Variants in NFKB1 observed in about 807,000 individuals in gnomAD.
The protein encoded by NFKB1 is nuclear factor kappa B subunit 1, also known as nuclear factor NF-kappa-B p105 subunit.
A neutral mutation model predicts 105.1 loss-of-function variants in NFKB1; 9 were observed. The ratio of observed to expected loss-of-function variants is 0.09; its 90% CI spans 0.05 to 0.15. The LOEUF (loss-of-function observed/expected upper bound fraction) is 0.15, where lower values mean the gene tolerates loss of function less well. Among genes scored for constraint, NFKB1 ranks in the 10% least tolerant of loss-of-function variants. NFKB1 has a pLI of 1.00. For synonymous variants in NFKB1, 440 were observed against 442.2 expected, an observed-to-expected ratio of 1.00 and a Z score of 0.06; for missense variants, 830 against 1,203.7, an observed-to-expected ratio of 0.69 and a Z score of 4.59.
rs1278590362 is a variant in NFKB1 at position 102,561,287 on chromosome 4, G to A, written c.259-5700G>A. 3.0e-5 allele frequency among the ~76,000 whole-genome samples: 4 copies of A among 132,914 alleles called. No individual in the cohort carries two copies. The East Asian group carries it at 8.7e-4, about 29-fold the overall frequency. 87.2% of individuals were successfully genotyped at this position (132,914 alleles called of 152,430 possible). A position where few individuals can be genotyped will look rare whatever the true frequency, so the allele number is the denominator to read the frequency against. ...TTCCTTTTTTTTTTTTTTTTTGTGT[G>A]TGTGTGTGTGCCTGATAATCTGACT... On this transcript the variant is annotated intron_variant, in intron 5 of 23. Coordinates refer to ENST00000226574, the MANE Select transcript of NFKB1 (RefSeq NM_003998.4).
At chr4:102,534,832 A>T (rs1741537838) in intron 4 of NFKB1, among the ~76,000 whole-genome samples, 1 of 152,200 alleles carries the variant, frequency 6.6e-6, no homozygotes. Context: ...CATTTAACAC[A>T]TGCTAACTAG....
At chr4:102,570,865 T>G (rs967586380) in intron 6 of NFKB1, among the ~76,000 whole-genome samples, 9 of 152,188 alleles carry the variant, frequency 5.9e-5, no homozygotes, top group South Asian at 2.1e-4. Flanking sequence ...CATTCCATGC[T>G]CATGGATAGG....
chr4:102,551,193 T>C lies in NFKB1; in HGVS notation c.258+13237T>C, dbSNP rs566852707. 3.3e-5 allele frequency among the ~76,000 whole-genome samples: 5 copies of C among 152,328 alleles called. No individual in the cohort carries two copies. In the East Asian group the frequency reaches 9.7e-4, roughly 29 times the overall value. On this transcript the variant is annotated intron_variant, in intron 5 of 23. Transcript: ENST00000226574. Reference sequence around the variant, plus strand: ...GCACACCACCTGCCAGGCACAGTGCTGGGCTCTGTGTTGACACACATGAAT... The same window carrying C: ...GCACACCACCTGCCAGGCACAGTGCCGGGCTCTGTGTTGACACACATGAAT...
rs1578771216 is a variant in NFKB1, at chr4:102,567,035, A to G, written c.307A>G (p.Asn103Asp). ...PAKVIVQLVT[N>D]GKNIHLHAHS... is the part of the protein sequence containing the mutation. The stretch of plus-strand genomic sequence containing the variant: ...AAAGGTTATTGTTCAGTTGGTCACA[A>G]ATGGAAAAAATATCCACCTGCATGC... The change falls in exon 6 of 24, where the codon AAT becomes GAT. Residue 103 changes from asparagine (N) to aspartate (D), a missense_variant. This residue lies in a region of NFKB1 where 64 missense variants were observed against 79.9 expected (regional missense o/e 0.80). Transcript: ENST00000226574. 6.2e-7 allele frequency: 1 copy of G among 1,614,054 alleles called. No individual in the cohort carries two copies. Among genetic ancestry groups the G allele is most frequent in the Non-Finnish European group, 8.5e-7 (1 of 1,179,926 alleles).
chr4:102,615,067 T>C (rs1170782113), intron 23 of NFKB1, among the ~76,000 whole-genome samples: 1 of 152,170 alleles, frequency 6.6e-6, no homozygotes, highest in Non-Finnish European at 1.5e-5. Context: ...GTTTCCTTCC[T>C]GTCCACCTCC....
chr4:102,538,724 TAGAC>T (rs750562370), intron 5 of NFKB1, among the ~76,000 whole-genome samples: 113 of 152,214 alleles, frequency 7.4e-4, no homozygotes, highest in Non-Finnish European at 1.3e-3. Flanking sequence ...ATGATAAACA[TAGAC>T]TGGTAATCAT....
intron 5 of NFKB1, among the ~76,000 whole-genome samples, chr4:102,550,524 T>C (rs998695738): frequency 2.0e-4 from 31 of 152,204 alleles, no homozygotes; most frequent in African/African-American, 7.5e-4. Context: ...ATTTGAGATA[T>C]GAAATGTGTA....
rs1466111203 is a variant in NFKB1, at chr4:102,510,892, G to A, written c.-8+9104G>A. On this transcript the variant is annotated intron_variant, in intron 1 of 23. Coordinates refer to ENST00000226574, the MANE Select transcript of NFKB1 (RefSeq NM_003998.4). ...TGTTCCTTCCTAGAAGGAACACAAC[G>A]TCCTACATCAAGAAAAAAGACAGAA... 13 of 1,276,844 alleles carry A rather than the reference G, an allele frequency of 1.0e-5. No individual in the cohort carries two copies. The African/African-American group carries it at 1.5e-4, about 15-fold the overall frequency. 79.1% of individuals were successfully genotyped at this position (1,276,844 alleles called of 1,614,324 possible). A position where few individuals can be genotyped will look rare whatever the true frequency, so the allele number is the denominator to read the frequency against.
rs577135636 is a variant in NFKB1 at position 102,528,976 on chromosome 4, G to A, written c.40-860G>A. On this transcript the variant is annotated intron_variant, in intron 2 of 23. Coordinates refer to ENST00000226574, the MANE Select transcript of NFKB1 (RefSeq NM_003998.4). ...CTTCTAGTGGCTGCCTGCTTTCCCT[G>A]TGCACCCTCTCATCACTCCAGCCTC... Among the ~76,000 whole-genome samples, 139 of 152,044 alleles carry A rather than the reference G, an allele frequency of 9.1e-4. 1 individual carries two copies. Among genetic ancestry groups the A allele is most frequent in the Non-Finnish European group, 1.7e-3 (117 of 67,982 alleles).
At chr4:102,530,001 C>T (rs1265973028) in intron 3 of NFKB1, 87 bp downstream of exon 3, 2 of 870,676 alleles carry the variant, frequency 2.3e-6, no homozygotes, top group African/African-American at 1.7e-5. Context: ...CCTAGAAACT[C>T]AGTTGTGTAC....
intron 11 of NFKB1, 136 bp downstream of exon 11, chr4:102,584,956 A>G: frequency 1.4e-6 from 1 of 736,610 alleles, no homozygotes; most frequent in African/African-American, 1.8e-5. Context: ...ATCATAGCTC[A>G]CTGCAACTTC....
intron 4 of NFKB1, among the ~76,000 whole-genome samples, chr4:102,535,899 T>G (rs1741605101): frequency 6.7e-6 from 1 of 148,388 alleles, no homozygotes; most frequent in Non-Finnish European, 1.5e-5. Context: ...TTTTTTTTGT[T>G]TTTTTTTTTT....
intron 5 of NFKB1, among the ~76,000 whole-genome samples, chr4:102,555,097 C>T (rs1722887992): frequency 6.6e-6 from 1 of 152,126 alleles, no homozygotes; most frequent in Non-Finnish European, 1.5e-5. Flanking sequence ...AAAAGTTAAT[C>T]AGCTTCATGT....
At chr4:102,524,702 C>T (rs1340230970) in intron 1 of NFKB1, among the ~76,000 whole-genome samples, 1 of 152,096 alleles carries the variant, frequency 6.6e-6, no homozygotes, top group South Asian at 2.1e-4. Flanking sequence ...CTGGGAGTGA[C>T]GGGAGACAGT....
chr4:102,506,914 T>C (rs777818295), intron 1 of NFKB1, among the ~76,000 whole-genome samples: 2 of 151,168 alleles, frequency 1.3e-5, no homozygotes, highest in Non-Finnish European at 3.0e-5. Flanking sequence ...TATACTGATA[T>C]ATATTAGTTA....
At chr4:102,564,281 G>A (rs1298335928) in intron 5 of NFKB1, among the ~76,000 whole-genome samples, 1 of 152,180 alleles carries the variant, frequency 6.6e-6, no homozygotes, top group Non-Finnish European at 1.5e-5. Context: ...TAGAGCAAAT[G>A]AATTTCTGAA....
chr4:102,610,555 T>G lies in NFKB1; in HGVS notation c.2228-20T>G. 6.2e-7 allele frequency: 1 copy of G among 1,613,206 alleles called. No homozygotes were observed. On this transcript the variant is annotated intron_variant, in intron 19 of 23. Transcript: ENST00000226574. ...GACAAGATCTGGGTTTACCTAATGC[T>G]GTGTAATCTAACTTCGCAGGAGCAG...
chr4:102,565,558 G>A (rs1281071735), intron 5 of NFKB1, among the ~76,000 whole-genome samples: 2 of 152,134 alleles, frequency 1.3e-5, no homozygotes, highest in South Asian at 4.1e-4. Context: ...TAGGCTAGTC[G>A]AAAAGGATTC....
rs1266909966 is a variant in NFKB1, at chr4:102,580,517, T to C, written c.731-18T>C. 4 of 1,607,856 alleles carry C rather than the reference T, an allele frequency of 2.5e-6. No homozygotes were observed. The highest frequency in any genetic ancestry group is 1.1e-5 in the South Asian group (1 of 90,910). On this transcript the variant is annotated intron_variant, in intron 8 of 23. Transcript: ENST00000226574. ...TGAGGATTAATCATGTTATTTGTTG[T>C]TTTTCCCCTGTGAACAGAAGCCCCC...
Sources: allele counts gnomAD v4.1 joint callset (sites outside exome capture counted in the v4.1 genomes callset), GRCh38; gene constraint gnomAD v4.1.1; regional missense constraint gnomAD v4.1.1; transcripts MANE v1.5; gene names NCBI Gene and HGNC (gene_info 2026-07-23, HGNC 2026-07-21).